The following DYNC1I1 variants were observed in gnomAD, a reference collection of about 807,000 sequenced individuals.
The protein encoded by DYNC1I1 is cytoplasmic dynein 1 intermediate chain 1.
DYNC1I1 carries 43 observed loss-of-function variants against 86.6 expected under a neutral mutation model. The ratio of observed to expected loss-of-function variants is 0.50; its 90% CI spans 0.39 to 0.64. The LOEUF (loss-of-function observed/expected upper bound fraction) is 0.64, where lower values mean the gene tolerates loss of function less well. Ranked by LOEUF, DYNC1I1 falls within the 30% of genes least tolerant of loss-of-function variation. DYNC1I1 has a pLI of 0.00. For synonymous variants in DYNC1I1, 262 were observed against 283.7 expected (o/e 0.92, Z 0.77); for missense variants, 604 against 788.8 (o/e 0.77, Z 2.81).
chr7:95,960,118 T>A (rs1293031348), intron 6 of DYNC1I1, among the ~76,000 whole-genome samples: 1 of 152,158 alleles, frequency 6.6e-6, no homozygotes, highest in Admixed American at 6.5e-5. Context: ...TTTGTTTTGT[T>A]TTTTTGAGAC....
At chr7:96,003,333 A>G (rs1400544580) in intron 10 of DYNC1I1, among the ~76,000 whole-genome samples, 2 of 152,234 alleles carry the variant, frequency 1.3e-5, no homozygotes, top group Non-Finnish European at 2.9e-5. Flanking sequence ...CATGGCTACA[A>G]TGAATTATTT....
chr7:95,785,346 G>A (rs1167005727), intron 1 of DYNC1I1, among the ~76,000 whole-genome samples: 2 of 152,104 alleles, frequency 1.3e-5, no homozygotes, highest in Admixed American at 6.5e-5. Flanking sequence ...TCTGGAAGGC[G>A]GAGGTTGCAG....
intron 6 of DYNC1I1, among the ~76,000 whole-genome samples, chr7:95,931,120 T>C (rs950266095): frequency 2.0e-5 from 3 of 152,212 alleles, no homozygotes; most frequent in Non-Finnish European, 4.4e-5. Context: ...TTTAAATATG[T>C]TTTTAAGTAT....
At chr7:95,941,852 C>T (rs947130366) in intron 6 of DYNC1I1, among the ~76,000 whole-genome samples, 33 of 152,254 alleles carry the variant, frequency 2.2e-4, no homozygotes, top group Admixed American at 1.6e-3. Context: ...GAGATGAACC[C>T]GGTACCTCAG....
intron 6 of DYNC1I1, among the ~76,000 whole-genome samples, chr7:95,973,069 T>G (rs1446938582): frequency 1.3e-5 from 2 of 152,200 alleles, no homozygotes. Flanking sequence ...GGGTGGTAAT[T>G]TTATTCCCTC....
At chr7:95,777,771 C>T (rs1472837372) in intron 1 of DYNC1I1, among the ~76,000 whole-genome samples, 1 of 152,160 alleles carries the variant, frequency 6.6e-6, no homozygotes, top group East Asian at 1.9e-4. Context: ...GACGATTGTA[C>T]TTGATCAACA....
At chr7:95,777,048 A>G (rs1295245883) in intron 1 of DYNC1I1, among the ~76,000 whole-genome samples, 1 of 152,204 alleles carries the variant, frequency 6.6e-6, no homozygotes, top group Non-Finnish European at 1.5e-5. Context: ...ACCATAGCTC[A>G]TAGTTTCTCT....
intron 5 of DYNC1I1, among the ~76,000 whole-genome samples, chr7:95,863,827 T>C (rs1014833943): frequency 1.3e-5 from 2 of 152,052 alleles, no homozygotes; most frequent in Admixed American, 1.3e-4. Context: ...TTTCAGAACA[T>C]GTGGAGAAAG....
At chr7:96,057,830 C>T (rs1789627417) in intron 14 of DYNC1I1, among the ~76,000 whole-genome samples, 1 of 152,044 alleles carries the variant, frequency 6.6e-6, no homozygotes, top group African/African-American at 2.4e-5. Context: ...ATTAAGTTGC[C>T]AGCAGTCATA....
chr7:95,860,165 C>G (rs1033979953), intron 5 of DYNC1I1, among the ~76,000 whole-genome samples: 1 of 152,184 alleles, frequency 6.6e-6, no homozygotes, highest in Non-Finnish European at 1.5e-5. Flanking sequence ...CCCTCTCTTA[C>G]CTTTTATTCC....
intron 5 of DYNC1I1, among the ~76,000 whole-genome samples, chr7:95,868,540 T>C (rs1360923264): frequency 6.6e-6 from 1 of 151,380 alleles, no homozygotes; most frequent in Non-Finnish European, 1.5e-5. Context: ...AGATTTTGGC[T>C]AAATGGGTAG....
intron 6 of DYNC1I1, among the ~76,000 whole-genome samples, chr7:95,967,286 G>T (rs1380595782): frequency 1.3e-5 from 2 of 152,188 alleles, no homozygotes; most frequent in Non-Finnish European, 2.9e-5. Flanking sequence ...CAACTGAAGT[G>T]CTATGAGAGG....
chr7:95,953,733 G>A (rs1425799866), intron 6 of DYNC1I1, among the ~76,000 whole-genome samples: 2 of 152,128 alleles, frequency 1.3e-5, no homozygotes, highest in Admixed American at 1.3e-4. Context: ...AAAGATGATA[G>A]GATTACCTCT....
At chr7:95,789,035 A>G (rs1287771222) in intron 1 of DYNC1I1, among the ~76,000 whole-genome samples, 1 of 151,862 alleles carries the variant, frequency 6.6e-6, no homozygotes, top group Non-Finnish European at 1.5e-5. Context: ...AAAGTGACAG[A>G]TGGTTGAAAC....
At chr7:95,859,162 A>T (rs1347827901) in intron 5 of DYNC1I1, among the ~76,000 whole-genome samples, 3 of 151,158 alleles carry the variant, frequency 2.0e-5, no homozygotes, top group Admixed American at 2.0e-4. Flanking sequence ...TTGTTTTTTT[A>T]AAATCATTTC....
intron 6 of DYNC1I1, among the ~76,000 whole-genome samples, chr7:95,977,037 A>T (rs1793322740): frequency 6.6e-6 from 1 of 152,226 alleles, no homozygotes; most frequent in Non-Finnish European, 1.5e-5. Flanking sequence ...TGCCAATGGC[A>T]TTTGACCTGG....
intron 4 of DYNC1I1, among the ~76,000 whole-genome samples, chr7:95,826,461 C>A (rs1584256884): frequency 1.3e-5 from 2 of 152,174 alleles, no homozygotes; most frequent in South Asian, 4.1e-4. Context: ...GGTATACCTG[C>A]ATTTAATCCT....
intron 16 of DYNC1I1, among the ~76,000 whole-genome samples, chr7:96,080,960 C>T (rs1480018716): frequency 6.6e-6 from 1 of 151,834 alleles, no homozygotes; most frequent in African/African-American, 2.4e-5. Context: ...ATCCCAGCTA[C>T]TCAGGAGGCT....
intron 16 of DYNC1I1, 129 bp from the exon 17 acceptor site, chr7:96,097,354 T>A (rs1394711475): frequency 1.8e-5 from 18 of 997,738 alleles, no homozygotes; most frequent in Admixed American, 2.6e-5. Flanking sequence ...AATGTTTGAT[T>A]TCCTTTACAT....
Sources: allele counts gnomAD v4.1 joint callset (sites outside exome capture counted in the v4.1 genomes callset), GRCh38; gene constraint gnomAD v4.1.1; transcripts MANE v1.5; gene names NCBI Gene and HGNC (gene_info 2026-07-23, HGNC 2026-07-21).